The following ZNF718 variants were observed in gnomAD, a reference collection of about 807,000 sequenced individuals.
The protein encoded by ZNF718 is zinc finger protein 718.
ZNF718 carries 3 observed loss-of-function variants against 2.6 expected under a neutral mutation model. The ratio of observed to expected loss-of-function variants is 1.16; its 90% CI spans 0.53 to 3.01. The LOEUF (loss-of-function observed/expected upper bound fraction) is 3.01, where lower values mean the gene tolerates loss of function less well. Among genes scored for constraint, ZNF718 ranks in the 30% most tolerant of loss-of-function variants. The pLI is 0.03. For missense variants in ZNF718, 468 were observed against 230.0 expected, an observed-to-expected ratio of 2.03 and a Z score of -6.69; for synonymous variants, 135 against 77.9, an observed-to-expected ratio of 1.73 and a Z score of -3.86.
At chr4:156,185 C>G (rs2108799228) in intron 3 of ZNF718, among the ~76,000 whole-genome samples, 1 of 152,240 alleles carries the variant, frequency 6.6e-6, no homozygotes, top group South Asian at 2.1e-4. Flanking sequence ...TGGACTAATA[C>G]AGACAGTGTG....
intron 1 of ZNF718, among the ~76,000 whole-genome samples, chr4:129,296 T>C (rs1207566765): frequency 9.6e-6 from 1 of 104,558 alleles, no homozygotes; most frequent in African/African-American, 3.3e-5. Flanking sequence ...GGAATCAAAT[T>C]TCTCTTGGGC....
chr4:141,697 A>T (rs1457488429), intron 3 of ZNF718, among the ~76,000 whole-genome samples: 1 of 152,242 alleles, frequency 6.6e-6, no homozygotes, highest in Non-Finnish European at 1.5e-5. Flanking sequence ...TTTCTAAAAT[A>T]GTATATGCTG....
At chr4:158,386 CAGAA>C (rs1223332951) in intron 3 of ZNF718, among the ~76,000 whole-genome samples, 5 of 151,872 alleles carry the variant, frequency 3.3e-5, no homozygotes, top group African/African-American at 9.7e-5. Flanking sequence ...AATTTGCTGA[CAGAA>C]AGGCTTACTA....
At chr4:151,623 G>A (rs1716327009) in intron 3 of ZNF718, among the ~76,000 whole-genome samples, 1 of 152,042 alleles carries the variant, frequency 6.6e-6, no homozygotes, top group Non-Finnish European at 1.5e-5. Flanking sequence ...TGGGACTACA[G>A]GTGCCCACCA....
In ZNF718 at chr4:127,142, C is replaced by A. The variant is rs1163946836; in HGVS notation, c.3+2469C>A. ...CCTGGCTGAAAATTTTTCTTTTAGT[C>A]ATATTTTCCATGCACTGTTTAGAAG... On this transcript the variant is annotated intron_variant, in intron 1 of 3. Transcript: ENST00000510175. Among the ~76,000 whole-genome samples the A allele has an allele frequency of 8.3e-5, 3 of 35,938 alleles. 1 individual carries two copies. The highest frequency in any genetic ancestry group is 7.8e-3 in the East Asian group (2 of 258). 23.6% of individuals were successfully genotyped at this position (35,938 alleles called of 152,430 possible).
chr4:200,001 A>G (rs1260741187), intron 3 of ZNF718, among the ~76,000 whole-genome samples: 1 of 152,236 alleles, frequency 6.6e-6, no homozygotes, highest in African/African-American at 2.4e-5. Context: ...ACAATGGAAA[A>G]ATTGTATTTC....
chr4:180,330 G>A (rs1362625167), intron 3 of ZNF718, among the ~76,000 whole-genome samples: 3 of 152,172 alleles, frequency 2.0e-5, no homozygotes, highest in Non-Finnish European at 4.4e-5. Context: ...TTTCTAGGCT[G>A]GTTGCTTATT....
intron 3 of ZNF718, among the ~76,000 whole-genome samples, chr4:139,539 A>G (rs1375526460): frequency 3.9e-5 from 6 of 152,234 alleles, no homozygotes; most frequent in Non-Finnish European, 7.3e-5. Flanking sequence ...TAAACTCCCA[A>G]AAATTCTGTA....
At chr4:173,235 G>T (rs184375201) in intron 3 of ZNF718, among the ~76,000 whole-genome samples, 82 of 150,846 alleles carry the variant, frequency 5.4e-4, no homozygotes, top group African/African-American at 2.0e-3. Flanking sequence ...AACTAAACCT[G>T]TAGTCAGCAA....
intron 3 of ZNF718, among the ~76,000 whole-genome samples, chr4:178,952 CAAA>C (rs1351678380): frequency 2.0e-5 from 3 of 152,112 alleles, no homozygotes; most frequent in African/African-American, 7.2e-5. Context: ...ATGTAATACT[CAAA>C]AAATTTGTGA....
At chr4:146,771 G>A (rs1716085299) in intron 3 of ZNF718, among the ~76,000 whole-genome samples, 1 of 144,594 alleles carries the variant, frequency 6.9e-6, no homozygotes, top group Admixed American at 7.2e-5. Flanking sequence ...GTTTGCTGGG[G>A]TGTTTTTTTT....
At position 163,003 on chromosome 4, in the gene ZNF718, C is replaced by G. The variant is rs1553815956; in HGVS notation, c.*881C>G. ...TTCTATATAAGTTGAAAAGGAGTAG[C>G]TTTTTGAAATTATTCCATTGAAATT... On this transcript the variant is annotated 3_prime_UTR_variant, in exon 4 of 4. Coordinates refer to ENST00000510175, the MANE Select transcript of ZNF718 (RefSeq NM_001039127.6). 2 of 152,064 alleles carry G rather than the reference C, an allele frequency of 1.3e-5. No individual in the cohort carries two copies. Among genetic ancestry groups the G allele is most frequent in the African/African-American group, 2.4e-5 (1 of 41,462 alleles). The allele number at this position is 152,064 out of a possible 1,614,324, so 9.4% of individuals were successfully genotyped here.
intron 3 of ZNF718, among the ~76,000 whole-genome samples, chr4:138,568 T>A (rs1715675704): frequency 6.6e-6 from 1 of 152,246 alleles, no homozygotes; most frequent in Non-Finnish European, 1.5e-5. Flanking sequence ...TTGGCTAATG[T>A]GAACACTGCT....
chr4:194,539 G>A (rs1248262239), intron 3 of ZNF718, among the ~76,000 whole-genome samples: 4 of 152,168 alleles, frequency 2.6e-5, no homozygotes, highest in African/African-American at 9.7e-5. Context: ...TGAGATATCA[G>A]AGATCGCCAA....
chr4:174,503 A>G (rs1717308949), intron 3 of ZNF718, among the ~76,000 whole-genome samples: 1 of 152,166 alleles, frequency 6.6e-6, no homozygotes, highest in African/African-American at 2.4e-5. Context: ...CAGCTGTGCA[A>G]AATATTTTTG....
intron 3 of ZNF718, among the ~76,000 whole-genome samples, chr4:148,441 T>C (rs1212640706): frequency 6.6e-6 from 1 of 151,806 alleles, no homozygotes; most frequent in Non-Finnish European, 1.5e-5. Context: ...AAATCCCATC[T>C]CTACTAAAAA....
chr4:182,257 G>A (rs781922160), intron 3 of ZNF718, among the ~76,000 whole-genome samples: 3 of 152,056 alleles, frequency 2.0e-5, no homozygotes, highest in Non-Finnish European at 4.4e-5. Flanking sequence ...TTCCACAATG[G>A]TTGAACTAAT....
intron 3 of ZNF718, among the ~76,000 whole-genome samples, chr4:138,430 G>C (rs370397585): frequency 1.2e-4 from 19 of 152,198 alleles, no homozygotes; most frequent in Admixed American, 3.9e-4. Context: ...ATGACCTCTA[G>C]TTCCATCCAT....
At position 161,631 on chromosome 4, in the gene ZNF718, T is replaced by G. The variant is rs782135949; in HGVS notation, c.946T>G (p.Cys316Gly). The G allele has an allele frequency of 1.3e-6, 1 of 780,312 alleles. No individual in the cohort carries two copies. Among genetic ancestry groups the G allele is most frequent in the Non-Finnish European group, 2.4e-6 (1 of 417,696 alleles). The allele number at this position is 780,312 out of a possible 1,614,324, so 48.3% of individuals were successfully genotyped here. The change falls in exon 4 of 4, where the codon TGT (cysteine) becomes GGT (glycine). Residue 316 changes from cysteine (C) to glycine (G), a missense_variant. By Grantham distance (159) the Cys-to-Gly change is radical. Transcript: ENST00000510175. Reference protein sequence around the residue: ...AGEKPFSCEECGNVFTTSSDF... With the variant: ...AGEKPFSCEEGGNVFTTSSDF... ...AGAGAAACCCTTCTCATGCGAAGAATGTGGCAATGTCTTTACCACATCCTC... is the reference window on the plus strand; with the variant it reads ...AGAGAAACCCTTCTCATGCGAAGAAGGTGGCAATGTCTTTACCACATCCTC...
Sources: gnomAD v4.1 joint callset for allele counts (sites outside exome capture counted in the v4.1 genomes callset) on GRCh38, gnomAD v4.1.1 for gene constraint, MANE v1.5 for transcripts, NCBI Gene and HGNC (gene_info 2026-07-23, HGNC 2026-07-21) for gene names.